PCDH9: variants seen among roughly 807,000 people sequenced by gnomAD.
The protein encoded by PCDH9 is protocadherin 9, also known as protocadherin-9.
PCDH9 carries 24 observed loss-of-function variants against 70.6 expected under a neutral mutation model. That is an observed-to-expected ratio of 0.34 (90% CI 0.25 to 0.48). PCDH9 has a LOEUF of 0.48. Among genes scored for constraint, PCDH9 ranks in the 20% least tolerant of loss-of-function variants. The pLI is 0.99. For missense variants in PCDH9, 1,281 were observed against 1,503.6 expected (o/e 0.85, Z 2.45); for synonymous variants, 562 against 558.5 (o/e 1.01, Z -0.09).
intron 4 of PCDH9, among the ~76,000 whole-genome samples, chr13:66,415,417 C>A (rs961121268): frequency 1.3e-5 from 2 of 152,162 alleles, no homozygotes; most frequent in African/African-American, 4.8e-5. Flanking sequence ...ACACTTGTGT[C>A]TATATCATCA....
At chr13:66,518,057 C>T (rs1396629078) in intron 4 of PCDH9, among the ~76,000 whole-genome samples, 1 of 152,068 alleles carries the variant, frequency 6.6e-6, no homozygotes, top group Non-Finnish European at 1.5e-5. Flanking sequence ...GTTCACGGTT[C>T]TGCAGGCTGT....
intron 4 of PCDH9, among the ~76,000 whole-genome samples, chr13:66,331,434 C>T (rs1388469104): frequency 6.6e-6 from 1 of 152,102 alleles, no homozygotes; most frequent in Non-Finnish European, 1.5e-5. Context: ...CAATACATCT[C>T]TTTATTTGAA....
intron 3 of PCDH9, among the ~76,000 whole-genome samples, chr13:66,785,782 T>C (rs73501388): frequency 0.018 from 2,708 of 152,084 alleles, 75 homozygotes; most frequent in African/African-American, 0.062. Flanking sequence ...AGGGCATGTA[T>C]GGATCACCCT....
intron 4 of PCDH9, among the ~76,000 whole-genome samples, chr13:66,424,674 C>A (rs1227821540): frequency 1.3e-5 from 2 of 151,826 alleles, no homozygotes; most frequent in Non-Finnish European, 2.9e-5. Context: ...TGTACACTGG[C>A]CAAAGATTTA....
intron 4 of PCDH9, among the ~76,000 whole-genome samples, chr13:66,332,498 T>C (rs547245756): frequency 1.3e-5 from 2 of 152,250 alleles, no homozygotes; most frequent in South Asian, 4.1e-4. Context: ...AAATAAATAC[T>C]GATTCTACAG....
chr13:66,703,813 A>G (rs574342634), intron 3 of PCDH9, among the ~76,000 whole-genome samples: 6 of 152,142 alleles, frequency 3.9e-5, no homozygotes, highest in Middle Eastern at 6.8e-3. Context: ...GGGAAGGTTG[A>G]TTGATTGAGC....
intron 3 of PCDH9, among the ~76,000 whole-genome samples, chr13:66,756,833 TTTA>T (rs772018243): frequency 6.6e-6 from 1 of 152,084 alleles, no homozygotes; most frequent in African/African-American, 2.4e-5. Flanking sequence ...ATTGATTTAT[TTTA>T]TTATTATAAT....
chr13:66,716,706 C>A (rs1215653955), intron 3 of PCDH9, among the ~76,000 whole-genome samples: 1 of 152,094 alleles, frequency 6.6e-6, no homozygotes, highest in Non-Finnish European at 1.5e-5. Flanking sequence ...TATAAAATTT[C>A]TTGGCTGACC....
chr13:66,717,774 C>T (rs964648412), intron 3 of PCDH9, among the ~76,000 whole-genome samples: 1 of 151,992 alleles, frequency 6.6e-6, no homozygotes, highest in Non-Finnish European at 1.5e-5. Context: ...ACAATGTCAA[C>T]TCTTCCTAGA....
chr13:67,036,566 T>A (rs1026665840), intron 2 of PCDH9, among the ~76,000 whole-genome samples: 14 of 152,170 alleles, frequency 9.2e-5, no homozygotes, highest in Non-Finnish European at 2.1e-4. Flanking sequence ...TGAACAGTAG[T>A]AGATAAATGT....
intron 4 of PCDH9, among the ~76,000 whole-genome samples, chr13:66,517,519 G>A (rs2138599950): frequency 6.6e-6 from 1 of 152,224 alleles, no homozygotes; most frequent in East Asian, 1.9e-4. Context: ...CTTGCTATCA[G>A]GGACAATATC....
intron 4 of PCDH9, among the ~76,000 whole-genome samples, chr13:66,515,688 A>G (rs1741378192): frequency 6.6e-6 from 1 of 151,988 alleles, no homozygotes; most frequent in Admixed American, 6.6e-5. Flanking sequence ...CATAATTATA[A>G]AAGGAAAAAC....
chr13:67,092,156 T>C (rs2086230521), intron 2 of PCDH9, among the ~76,000 whole-genome samples: 1 of 152,174 alleles, frequency 6.6e-6, no homozygotes, highest in Non-Finnish European at 1.5e-5. Context: ...ATAATTGATT[T>C]TGTCCATTTA....
At chr13:67,214,878 T>C (rs1207953274) in intron 2 of PCDH9, 2 of 138,280 alleles carry the variant, frequency 1.4e-5, no homozygotes, top group East Asian at 2.2e-4. Context: ...CTGGTATTCT[T>C]GGACAGGAGG....
intron 2 of PCDH9, among the ~76,000 whole-genome samples, chr13:67,002,574 T>TAAA (rs548398760): frequency 2.0e-4 from 30 of 150,886 alleles, no homozygotes; most frequent in Non-Finnish European, 3.4e-4. Context: ...TTTAAGAAGA[T>TAAA]AAAAAAAAAC....
intron 4 of PCDH9, among the ~76,000 whole-genome samples, chr13:66,570,900 GT>G (rs1251249074): frequency 2.0e-5 from 3 of 152,028 alleles, no homozygotes; most frequent in Admixed American, 6.5e-5. Flanking sequence ...TATTTTATAA[GT>G]TTCAGTGCTT....
intron 4 of PCDH9, among the ~76,000 whole-genome samples, chr13:66,329,088 G>A (rs918231145): frequency 1.3e-5 from 2 of 152,022 alleles, no homozygotes; most frequent in African/African-American, 4.8e-5. Context: ...GTTAACTATA[G>A]GAATTTAGGA....
At chr13:66,762,075 G>C (rs1373251065) in intron 3 of PCDH9, among the ~76,000 whole-genome samples, 1 of 152,014 alleles carries the variant, frequency 6.6e-6, no homozygotes, top group East Asian at 1.9e-4. Flanking sequence ...GTTTGGTGTG[G>C]TCCCTAAGCC....
At chr13:66,703,725 G>A (rs575130730) in intron 3 of PCDH9, among the ~76,000 whole-genome samples, 11 of 151,636 alleles carry the variant, frequency 7.3e-5, no homozygotes, top group African/African-American at 1.2e-4. Flanking sequence ...TGAGACCCCC[G>A]TCTCTAAAAA....
Sources: allele counts gnomAD v4.1 joint callset (sites outside exome capture counted in the v4.1 genomes callset), GRCh38; gene constraint gnomAD v4.1.1; transcripts MANE v1.5; gene names NCBI Gene and HGNC (gene_info 2026-07-23, HGNC 2026-07-21).